Variants in RBPJ observed in about 807,000 individuals in gnomAD.
The protein encoded by RBPJ is recombining binding protein suppressor of hairless.
RBPJ carries 9 observed loss-of-function variants against 67.8 expected under a neutral mutation model. That is an observed-to-expected ratio of 0.13 (90% CI 0.08 to 0.23). RBPJ has a LOEUF of 0.23. Among genes scored for constraint, RBPJ ranks in the 10% least tolerant of loss-of-function variants. RBPJ has a pLI of 1.00. For missense variants in RBPJ, 305 were observed against 595.6 expected, an observed-to-expected ratio of 0.51 and a Z score of 5.08; for synonymous variants, 198 against 203.3, an observed-to-expected ratio of 0.97 and a Z score of 0.22.
At chr4:26,228,056 A>G (rs1191439152) in intron 1 of RBPJ, among the ~76,000 whole-genome samples, 1 of 152,200 alleles carries the variant, frequency 6.6e-6, no homozygotes, top group East Asian at 1.9e-4. Context: ...CACTAGGAAC[A>G]CATGGCCTCA....
intron 2 of RBPJ, among the ~76,000 whole-genome samples, chr4:26,390,311 A>G (rs754306464): frequency 2.0e-5 from 3 of 152,210 alleles, no homozygotes; most frequent in African/African-American, 4.8e-5. Context: ...GATTGGTGAA[A>G]CACTGGATGT....
intron 2 of RBPJ, among the ~76,000 whole-genome samples, chr4:26,388,525 G>A (rs1311497077): frequency 1.3e-5 from 2 of 152,130 alleles, no homozygotes; most frequent in Non-Finnish European, 2.9e-5. Context: ...GTGGTGGGTA[G>A]GATTTGGCCT....
At chr4:26,379,000 TG>T (rs1312977547) in intron 1 of RBPJ, among the ~76,000 whole-genome samples, 24 of 152,096 alleles carry the variant, frequency 1.6e-4, no homozygotes, top group Non-Finnish European at 2.9e-5. Flanking sequence ...CACTCTAGCA[TG>T]GGCGACGGAG....
intron 1 of RBPJ, among the ~76,000 whole-genome samples, chr4:26,357,401 T>A (rs1727499173): frequency 6.6e-6 from 1 of 152,180 alleles, no homozygotes; most frequent in Non-Finnish European, 1.5e-5. Context: ...TGGTTGAATG[T>A]TGTGGCTGTC....
chr4:26,401,040 A>AT (rs1454500877), intron 2 of RBPJ, among the ~76,000 whole-genome samples: 4 of 152,268 alleles, frequency 2.6e-5, no homozygotes, highest in South Asian at 2.1e-4. Context: ...TGGAAGTCCC[A>AT]TTTTCCCTCC....
chr4:26,192,793 T>C (rs1188196558), intron 1 of RBPJ, among the ~76,000 whole-genome samples: 1 of 152,164 alleles, frequency 6.6e-6, no homozygotes, highest in Non-Finnish European at 1.5e-5. Flanking sequence ...ATAAGCACAA[T>C]CACCATAATA....
the RBPJ span, among the ~76,000 whole-genome samples, chr4:26,132,189 T>C: frequency 1.3e-5 from 2 of 151,428 alleles, no homozygotes; most frequent in Non-Finnish European, 2.9e-5. Flanking sequence ...ATGCTTAGAC[T>C]GACTAACTAT....
chr4:26,399,196 C>G (rs1732494786), intron 2 of RBPJ, among the ~76,000 whole-genome samples: 1 of 152,172 alleles, frequency 6.6e-6, no homozygotes, highest in African/African-American at 2.4e-5. Flanking sequence ...TTGTAGCTTG[C>G]TTCAGTGGTG....
the RBPJ span, among the ~76,000 whole-genome samples, chr4:26,157,495 A>G: frequency 3.3e-5 from 5 of 152,262 alleles, no homozygotes; most frequent in African/African-American, 1.2e-4. Flanking sequence ...AAATTTGATT[A>G]AGCAGCTTAT....
intron 1 of RBPJ, among the ~76,000 whole-genome samples, chr4:26,329,756 T>C (rs1724033056): frequency 6.6e-6 from 1 of 151,852 alleles, no homozygotes; most frequent in Non-Finnish European, 1.5e-5. Context: ...TAGCTGGGCG[T>C]GTTGGCAGGC....
In RBPJ at chr4:26,370,715, G is replaced by A. The variant is rs189099460; in HGVS notation, c.21-15638G>A. Among the ~76,000 whole-genome samples, 11 of 152,228 alleles carry A rather than the reference G, an allele frequency of 7.2e-5. No individual in the cohort carries two copies. The East Asian group carries it at 2.1e-3, about 29-fold the overall frequency. ...TATCTTTGTAGGGCATTCTCCATAGGAAAGATAGTTCTATCAGTTTTAGCT... is the reference window on the plus strand; with the variant it reads ...TATCTTTGTAGGGCATTCTCCATAGAAAAGATAGTTCTATCAGTTTTAGCT... On this transcript the variant is annotated intron_variant, in intron 1 of 10. Coordinates refer to ENST00000355476, the MANE Select transcript of RBPJ (RefSeq NM_015874.6).
the RBPJ span, among the ~76,000 whole-genome samples, chr4:26,107,924 G>A: frequency 2.0e-5 from 3 of 152,060 alleles, no homozygotes; most frequent in Non-Finnish European, 2.9e-5. Context: ...ATTCCCTTTG[G>A]TTCTTTCTCC....
intron 1 of RBPJ, among the ~76,000 whole-genome samples, chr4:26,259,889 G>A (rs1393156784): frequency 6.6e-6 from 1 of 151,982 alleles, no homozygotes; most frequent in Non-Finnish European, 1.5e-5. Context: ...GATTTACTTG[G>A]GGCATTATCC....
chr4:26,204,461 G>A (rs1418715298), intron 1 of RBPJ, among the ~76,000 whole-genome samples: 1 of 152,190 alleles, frequency 6.6e-6, no homozygotes, highest in Non-Finnish European at 1.5e-5. Context: ...TTGGGGACGG[G>A]TCTATGCAGC....
At chr4:26,163,002 A>T (rs1222037538), upstream of RBPJ, among the ~76,000 whole-genome samples, 1 of 152,166 alleles carries the variant, frequency 6.6e-6, no homozygotes, top group East Asian at 1.9e-4. Flanking sequence ...ATTATGGATT[A>T]TTGGGCTGGT....
chr4:26,319,565 T>C (rs1320190301), upstream of RBPJ: 23 of 484,014 alleles, frequency 4.8e-5, no homozygotes, highest in Admixed American at 7.4e-5. Context: ...TGTCCTGCCT[T>C]GGCTCCGCGA....
At chr4:26,223,775 A>G (rs2109194728) in intron 1 of RBPJ, among the ~76,000 whole-genome samples, 1 of 152,302 alleles carries the variant, frequency 6.6e-6, no homozygotes, top group Non-Finnish European at 1.5e-5. Context: ...CAGAGGATAG[A>G]CCAAGGCCAG....
At chr4:26,196,501 T>C (rs1717769166) in intron 1 of RBPJ, among the ~76,000 whole-genome samples, 1 of 152,162 alleles carries the variant, frequency 6.6e-6, no homozygotes, top group African/African-American at 2.4e-5. Flanking sequence ...ATTTACAAAA[T>C]GCTTCAAATG....
At chr4:26,193,886 C>G (rs972009017) in intron 1 of RBPJ, among the ~76,000 whole-genome samples, 2 of 152,192 alleles carry the variant, frequency 1.3e-5, no homozygotes, top group African/African-American at 4.8e-5. Flanking sequence ...TATCTCCCTG[C>G]ATAGTTTCCC....
Sources: gnomAD v4.1 joint callset for allele counts (sites outside exome capture counted in the v4.1 genomes callset) on GRCh38, gnomAD v4.1.1 for gene constraint, MANE v1.5 for transcripts, NCBI Gene and HGNC (gene_info 2026-07-23, HGNC 2026-07-21) for gene names.